The following SMAGP variants were observed in gnomAD, a reference collection of about 807,000 sequenced individuals.
The protein encoded by SMAGP is small cell transmembrane and glycosylated protein.
SMAGP carries 7 observed loss-of-function variants against 10.1 expected under a neutral mutation model. That is an observed-to-expected ratio of 0.70 (90% confidence interval 0.40 to 1.31). SMAGP has a LOEUF of 1.31. Ranked by LOEUF, SMAGP falls within the 50% of genes most tolerant of loss-of-function variation. SMAGP has a pLI of 0.01. For missense variants in SMAGP, 113 were observed against 116.5 expected, an observed-to-expected ratio of 0.97 and a Z score of 0.14; for synonymous variants, 49 against 47.2, an observed-to-expected ratio of 1.04 and a Z score of -0.16.
intron 2 of SMAGP, among the ~76,000 whole-genome samples, chr12:51,255,706 C>T (rs966846559): frequency 2.6e-5 from 4 of 152,244 alleles, no homozygotes; most frequent in Non-Finnish European, 5.9e-5. Flanking sequence ...AGGTGGCACA[C>T]GTGCAGAAGC....
At chr12:51,249,013 G>A (rs543280921) in intron 2 of SMAGP, among the ~76,000 whole-genome samples, 30 of 151,880 alleles carry the variant, frequency 2.0e-4, no homozygotes, top group Non-Finnish European at 3.2e-4. Flanking sequence ...CCAGGAGGTG[G>A]AGGTCGCAGT....
intron 2 of SMAGP, among the ~76,000 whole-genome samples, chr12:51,249,910 C>T (rs529613908): frequency 6.6e-6 from 1 of 152,058 alleles, no homozygotes; most frequent in South Asian, 2.1e-4. Context: ...AGCCACTGTG[C>T]CTCGCCTATA....
At chr12:51,253,144 C>A (rs778227680) in intron 2 of SMAGP, among the ~76,000 whole-genome samples, 7 of 152,046 alleles carry the variant, frequency 4.6e-5, no homozygotes, top group Non-Finnish European at 8.8e-5. Context: ...GCTTTGAACT[C>A]GAAACAGCAA....
intron 2 of SMAGP, among the ~76,000 whole-genome samples, chr12:51,259,820 C>T (rs943824941): frequency 3.9e-5 from 6 of 152,102 alleles, no homozygotes; most frequent in African/African-American, 1.4e-4. Context: ...CTCAGGCAAT[C>T]CTCCCACCTC....
intron 2 of SMAGP, among the ~76,000 whole-genome samples, chr12:51,248,424 ACACACACACACTCT>A (rs1343301140): frequency 7.1e-5 from 8 of 112,358 alleles, no homozygotes; most frequent in East Asian, 3.4e-4. Flanking sequence ...ACACACACAC[ACACACACACACTCT>A]CTCTCTCTCT....
At chr12:51,264,148 G>A (rs1944952756) in intron 2 of SMAGP, among the ~76,000 whole-genome samples, 1 of 152,094 alleles carries the variant, frequency 6.6e-6, no homozygotes, top group African/African-American at 2.4e-5. Context: ...GGGAAGGTGG[G>A]GGAAGAGAAA....
rs1944855179 is a variant in SMAGP, at chr12:51,253,079, T to C, written c.35-6248A>G. 3.3e-5 allele frequency among the ~76,000 whole-genome samples: 5 copies of C among 152,124 alleles called. No homozygotes were observed. The South Asian group carries it at 1.0e-3, about 32-fold the overall frequency. ...TGGAGTCCATAAAGCAATGGTGAGCTTGATGTGACTCCCCAGCAAAGTTCT... is the reference window on the plus strand; with the variant it reads ...TGGAGTCCATAAAGCAATGGTGAGCCTGATGTGACTCCCCAGCAAAGTTCT... On this transcript the variant is annotated intron_variant, in intron 2 of 3. Transcript: ENST00000603798.
At chr12:51,266,482 G>C (rs540757072) in intron 2 of SMAGP, among the ~76,000 whole-genome samples, 3 of 136,820 alleles carry the variant, frequency 2.2e-5, no homozygotes, top group Non-Finnish European at 4.9e-5. Flanking sequence ...AAAAAAAAAA[G>C]AACTGTGTAC....
chr12:51,254,728 A>G (rs191283371), intron 2 of SMAGP, among the ~76,000 whole-genome samples: 1 of 152,264 alleles, frequency 6.6e-6, no homozygotes, highest in East Asian at 1.9e-4. Flanking sequence ...GTGAAGACCT[A>G]AAGAAGGTAA....
Position 51,245,881 on chromosome 12 carries a change from A to G in SMAGP, c.*60T>C. The G allele has an allele frequency of 6.5e-7, 1 of 1,543,650 alleles. No individual in the cohort carries two copies. Among genetic ancestry groups the G allele is most frequent in the African/African-American group, 1.4e-5 (1 of 72,858 alleles). On this transcript the variant is annotated 3_prime_UTR_variant, in exon 4 of 4. Coordinates refer to ENST00000603798, the MANE Select transcript of SMAGP (RefSeq NM_001031628.2). ...TGGCTTCAGAGAAAACTTTCCCATA[A>G]TAAGCAGTCAACGTGTTAGCGATGG...
intron 2 of SMAGP, among the ~76,000 whole-genome samples, chr12:51,254,495 C>T (rs932826243): frequency 4.0e-5 from 6 of 151,742 alleles, no homozygotes; most frequent in Non-Finnish European, 5.9e-5. Flanking sequence ...TGCAGTGAGC[C>T]GAGATTGCAC....
intron 2 of SMAGP, among the ~76,000 whole-genome samples, chr12:51,265,134 A>G (rs1320869532): frequency 6.6e-6 from 1 of 152,218 alleles, no homozygotes; most frequent in East Asian, 1.9e-4. Flanking sequence ...CCACATCACT[A>G]TCACTAGGGA....
intron 3 of SMAGP, 57 bp from the exon 4 acceptor site, chr12:51,246,176 T>A: frequency 6.3e-7 from 1 of 1,586,490 alleles, no homozygotes; most frequent in South Asian, 1.1e-5. Flanking sequence ...GTCTCAGTAG[T>A]TCCTGGAGTC....
chr12:51,265,454 G>A (rs1347114471), intron 2 of SMAGP, among the ~76,000 whole-genome samples: 1 of 152,170 alleles, frequency 6.6e-6, no homozygotes, highest in Non-Finnish European at 1.5e-5. Context: ...TAGCCAAAAG[G>A]TGGAAGCAAC....
At chr12:51,247,165 G>GTTAC (rs1471857393) in intron 2 of SMAGP, among the ~76,000 whole-genome samples, 2 of 152,112 alleles carry the variant, frequency 1.3e-5, no homozygotes, top group Non-Finnish European at 2.9e-5. Context: ...GCAAAATGGA[G>GTTAC]GTAAGAGTAC....
chr12:51,254,095 G>T (rs1944866049), intron 2 of SMAGP, among the ~76,000 whole-genome samples: 1 of 152,128 alleles, frequency 6.6e-6, no homozygotes, highest in Non-Finnish European at 1.5e-5. Flanking sequence ...GATGCATAGT[G>T]GTGTTGGTGA....
At chr12:51,256,515 A>C (rs1944885351) in intron 2 of SMAGP, among the ~76,000 whole-genome samples, 1 of 152,198 alleles carries the variant, frequency 6.6e-6, no homozygotes, top group Non-Finnish European at 1.5e-5. Flanking sequence ...TGAGGTCAGC[A>C]GTTCAAGACC....
chr12:51,254,053 G>A (rs1944865732), intron 2 of SMAGP, among the ~76,000 whole-genome samples: 1 of 152,144 alleles, frequency 6.6e-6, no homozygotes, highest in South Asian at 2.1e-4. Flanking sequence ...TGAGTATAGA[G>A]TTTTAGTTTG....
chr12:51,254,640 A>G (rs908481382), intron 2 of SMAGP, among the ~76,000 whole-genome samples: 1 of 152,192 alleles, frequency 6.6e-6, no homozygotes, highest in African/African-American at 2.4e-5. Context: ...AGAAAAGAGG[A>G]TGGAAAGCTG....
Sources: allele counts gnomAD v4.1 joint callset (sites outside exome capture counted in the v4.1 genomes callset), GRCh38; gene constraint gnomAD v4.1.1; transcripts MANE v1.5; gene names NCBI Gene and HGNC (gene_info 2026-07-23, HGNC 2026-07-21).